PRKG1: variants seen among roughly 807,000 people sequenced by gnomAD.
PRKG1 encodes protein kinase cGMP-dependent 1, also known as cGMP-dependent protein kinase 1.
Under a neutral mutation model 88.1 loss-of-function variants are expected in PRKG1, and 35 were observed. The ratio of observed to expected loss-of-function variants is 0.40; its 90% CI spans 0.30 to 0.53. PRKG1 has a LOEUF of 0.53. PRKG1 is among the 20% of genes least tolerant of loss of function. The probability of loss-of-function intolerance (pLI) is 0.59; values close to 1 mark genes in which losing one functional copy is unlikely to be tolerated. For synonymous variants in PRKG1, 303 were observed against 292.5 expected (o/e 1.04, Z -0.37); for missense variants, 540 against 839.8 (o/e 0.64, Z 4.41).
chr10:51,776,516 C>G (rs932688822), intron 3 of PRKG1, among the ~76,000 whole-genome samples: 10 of 152,186 alleles, frequency 6.6e-5, no homozygotes, highest in East Asian at 1.9e-4. Context: ...ATCACCTCAT[C>G]AATGAATAAC....
chr10:52,272,504 A>G (rs370565480), intron 12 of PRKG1, 23 bp downstream of exon 12: 117 of 1,519,792 alleles, frequency 7.7e-5, no homozygotes, highest in Non-Finnish European at 9.2e-5. Context: ...AGAAATTTCT[A>G]TGATATCTCT....
chr10:51,242,182 G>A (rs1352431393), intron 2 of PRKG1, among the ~76,000 whole-genome samples: 1 of 152,074 alleles, frequency 6.6e-6, no homozygotes, highest in African/African-American at 2.4e-5. Context: ...CAGGAGGCTG[G>A]GAGAAGAGCC....
chr10:51,196,028 G>A, intron 2 of PRKG1, among the ~76,000 whole-genome samples: 1 of 152,152 alleles, frequency 6.6e-6, no homozygotes, highest in Admixed American at 6.6e-5. Flanking sequence ...AAGTTCTAGT[G>A]TATACTTGAT....
chr10:51,112,638 G>GA (rs879621464), intron 1 of PRKG1, among the ~76,000 whole-genome samples: 123 of 152,228 alleles, frequency 8.1e-4, no homozygotes, highest in Admixed American at 2.4e-3. Context: ...AAATAGATGT[G>GA]ATGATTAAAG....
At chr10:51,891,395 C>T (rs1053137553) in intron 4 of PRKG1, among the ~76,000 whole-genome samples, 1 of 152,058 alleles carries the variant, frequency 6.6e-6, no homozygotes, top group Non-Finnish European at 1.5e-5. Flanking sequence ...CCTATATTTC[C>T]AAATTGACAT....
intron 3 of PRKG1, among the ~76,000 whole-genome samples, chr10:51,533,579 A>G (rs1360099366): frequency 2.7e-5 from 4 of 150,768 alleles, no homozygotes; most frequent in South Asian, 4.2e-4. Flanking sequence ...GGGAGTATTT[A>G]TGTCACAGAA....
intron 1 of PRKG1, among the ~76,000 whole-genome samples, chr10:51,041,394 T>A (rs1843419458): frequency 6.6e-6 from 1 of 152,192 alleles, no homozygotes; most frequent in Admixed American, 6.5e-5. Context: ...AGTTGGAGTC[T>A]GTCCCCATAG....
At chr10:51,586,783 G>A (rs552614146) in intron 3 of PRKG1, among the ~76,000 whole-genome samples, 2 of 152,198 alleles carry the variant, frequency 1.3e-5, no homozygotes, top group South Asian at 4.1e-4. Context: ...TCAAATAGTA[G>A]CAACTGAAAG....
At chr10:52,260,364 A>G (rs1444598581) in intron 10 of PRKG1, among the ~76,000 whole-genome samples, 1 of 152,114 alleles carries the variant, frequency 6.6e-6, no homozygotes, top group Non-Finnish European at 1.5e-5. Flanking sequence ...ATTCATCCCT[A>G]TATTTCAAAA....
intron 5 of PRKG1, among the ~76,000 whole-genome samples, chr10:51,943,282 G>A (rs1000778204): frequency 9.9e-5 from 15 of 151,852 alleles, no homozygotes; most frequent in Admixed American, 3.9e-4. Flanking sequence ...AAGAATGCTT[G>A]TGATTTTTGT....
At position 51,175,058 on chromosome 10, in the gene PRKG1, C is replaced by G. The variant is rs141799911; in HGVS notation, c.478+21728C>G. Among the ~76,000 whole-genome samples the G allele has an allele frequency of 2.5e-3, 375 of 151,936 alleles. 1 individual carries two copies. Among genetic ancestry groups the G allele is most frequent in the African/African-American group, 8.7e-3 (361 of 41,454 alleles). On this transcript the variant is annotated intron_variant, in intron 2 of 17. Transcript: ENST00000373980. ...CCCATTCAGTTTAACTTATAACCAG[C>G]TAGTTTTCTATTAACTTATCAATAA...
chr10:51,594,448 C>T (rs1838392562), intron 3 of PRKG1, among the ~76,000 whole-genome samples: 1 of 152,164 alleles, frequency 6.6e-6, no homozygotes, highest in Non-Finnish European at 1.5e-5. Flanking sequence ...TATTACATCA[C>T]AATAAATGTT....
chr10:52,246,092 T>C (rs1489965317), intron 9 of PRKG1, among the ~76,000 whole-genome samples: 3 of 152,174 alleles, frequency 2.0e-5, no homozygotes, highest in Non-Finnish European at 4.4e-5. Flanking sequence ...TGGTTTCCAA[T>C]ACATAGGGAG....
At chr10:51,259,768 G>A (rs1170415358) in intron 2 of PRKG1, among the ~76,000 whole-genome samples, 9 of 152,112 alleles carry the variant, frequency 5.9e-5, no homozygotes, top group Admixed American at 1.3e-4. Flanking sequence ...GAGCCACCGC[G>A]CCTGGCCCTC....
rs960241645 is a variant in PRKG1, at chr10:51,382,730, G to C, written c.479-84993G>C. ...ATTTAAAACTCCATTGTTAGTGTGGGCTGCTGGTGAGAGGAGAACAAAGCT... is the reference window on the plus strand; with the variant it reads ...ATTTAAAACTCCATTGTTAGTGTGGCCTGCTGGTGAGAGGAGAACAAAGCT... On this transcript the variant is annotated intron_variant, in intron 2 of 17. Transcript: ENST00000373980. 8.5e-5 allele frequency among the ~76,000 whole-genome samples: 13 copies of C among 152,268 alleles called. No individual in the cohort carries two copies. The East Asian group carries it at 1.9e-3, about 23-fold the overall frequency.
intron 2 of PRKG1, among the ~76,000 whole-genome samples, chr10:51,185,225 A>G (rs1032412433): frequency 3.9e-5 from 6 of 152,158 alleles, no homozygotes; most frequent in Non-Finnish European, 1.5e-5. Context: ...AGAAACTTCA[A>G]TGGGATGTTG....
At chr10:51,975,656 C>T (rs1265727931) in intron 5 of PRKG1, among the ~76,000 whole-genome samples, 1 of 151,942 alleles carries the variant, frequency 6.6e-6, no homozygotes, top group Non-Finnish European at 1.5e-5. Context: ...GTGTTTTCTA[C>T]CTGAGTCAGG....
At chr10:51,727,077 C>G (rs2132462720) in intron 3 of PRKG1, among the ~76,000 whole-genome samples, 1 of 152,068 alleles carries the variant, frequency 6.6e-6, no homozygotes, top group South Asian at 2.1e-4. Flanking sequence ...CCGCACCTGG[C>G]CTAGTCTGAC....
chr10:51,980,846 C>T (rs1301767641), intron 5 of PRKG1, among the ~76,000 whole-genome samples: 1 of 152,054 alleles, frequency 6.6e-6, no homozygotes, highest in Non-Finnish European at 1.5e-5. Flanking sequence ...AGATTTTTCT[C>T]CATCCCTTTA....
Sources: allele counts gnomAD v4.1 joint callset (sites outside exome capture counted in the v4.1 genomes callset), GRCh38; gene constraint gnomAD v4.1.1; transcripts MANE v1.5; gene names NCBI Gene and HGNC (gene_info 2026-07-23, HGNC 2026-07-21).